Variants in EPHA4 observed in about 807,000 individuals in gnomAD.
EPHA4 encodes the protein EPH receptor A4.
In EPHA4, 19 loss-of-function variants were observed where a neutral mutation model predicts 108.3. The ratio of observed to expected loss-of-function variants is 0.18; its 90% CI spans 0.12 to 0.26. The LOEUF (loss-of-function observed/expected upper bound fraction) is 0.26. Among genes scored for constraint, EPHA4 ranks in the 10% least tolerant of loss-of-function variants. The pLI, the probability that EPHA4 is intolerant of heterozygous loss-of-function variation, is 1.00. For synonymous variants in EPHA4, 449 were observed against 455.5 expected, an observed-to-expected ratio of 0.99 and a Z score of 0.18; for missense variants, 917 against 1,254.0, an observed-to-expected ratio of 0.73 and a Z score of 4.06.
intron 11 of EPHA4, among the ~76,000 whole-genome samples, chr2:221,441,808 G>A (rs928422360): frequency 1.8e-4 from 28 of 152,070 alleles, no homozygotes; most frequent in Admixed American, 1.3e-3. Context: ...CAAGTCCCAC[G>A]AGGGGTCCAG....
chr2:221,523,510 C>A (rs1042076101), intron 3 of EPHA4, among the ~76,000 whole-genome samples: 1 of 152,082 alleles, frequency 6.6e-6, no homozygotes, highest in African/African-American at 2.4e-5. Context: ...TGGTCTTGAA[C>A]TCCCAACCTC....
Position 221,563,893 on chromosome 2 carries a change from C to A in EPHA4, c.661G>T (p.Ala221Ser), listed in dbSNP as rs1431649558. The A allele has an allele frequency of 1.2e-6, 2 of 1,614,104 alleles. No homozygotes were observed. Among genetic ancestry groups the A allele is most frequent in the Non-Finnish European group, 1.7e-6 (2 of 1,180,060 alleles). The change falls in exon 3 of 18, where the codon GCT becomes TCT. Residue 221 changes from alanine to serine, a missense_variant. Around this residue, in one of 3 missense-constraint regions of EPHA4, gnomAD observed 758 missense variants for 1,076.7 expected, o/e 0.70. Coordinates refer to ENST00000281821, the MANE Select transcript of EPHA4 (RefSeq NM_004438.5). The stretch of plus-strand genomic sequence containing the variant: ...ACTTCCACCAGGGAAGACGTATCAG[C>A]CCCTGTGATGGTGTCAGGAAACTGG... ...LAQFPDTITGADTSSLVEVRG... is the reference protein window; with the variant it reads ...LAQFPDTITGSDTSSLVEVRG...
At chr2:221,517,541 C>T (rs1693025306) in intron 3 of EPHA4, among the ~76,000 whole-genome samples, 1 of 152,108 alleles carries the variant, frequency 6.6e-6, no homozygotes, top group East Asian at 1.9e-4. Flanking sequence ...AGGGCATGGC[C>T]ACCTGGACCA....
At chr2:221,500,979 T>C (rs1692469048) in intron 4 of EPHA4, 38 bp downstream of exon 4, 2 of 1,515,022 alleles carry the variant, frequency 1.3e-6, no homozygotes, top group Non-Finnish European at 1.8e-6. Flanking sequence ...ATGAAAGCTG[T>C]TGGCATCACA....
intron 5 of EPHA4, among the ~76,000 whole-genome samples, chr2:221,478,424 C>T (rs1691723997): frequency 6.6e-6 from 1 of 152,200 alleles, no homozygotes; most frequent in Non-Finnish European, 1.5e-5. Context: ...GGACTACCTG[C>T]TTCTAAACAA....
intron 14 of EPHA4, 33 bp from the exon 15 acceptor site, chr2:221,430,184 G>A (rs1417119967): frequency 6.4e-7 from 1 of 1,559,278 alleles, no homozygotes. Flanking sequence ...ATGTTAAGCT[G>A]CCAGGCAAGC....
At position 221,439,364 on chromosome 2, in the gene EPHA4, T is replaced by C. The variant is rs544395292; in HGVS notation, c.2075-2242A>G. Among the ~76,000 whole-genome samples, 10 of 148,364 alleles carry C rather than the reference T, an allele frequency of 6.7e-5. No individual in the cohort carries two copies. The South Asian group carries it at 1.3e-3, about 19-fold the overall frequency. On this transcript the variant is annotated intron_variant, in intron 11 of 17. Transcript: ENST00000281821. ...AAAAAAAAATTGCCGGATGCAGTGG[T>C]GCACACCTGTAGTCCCAGCTACTCG...
chr2:221,519,778 A>G (rs1693103615), intron 3 of EPHA4, among the ~76,000 whole-genome samples: 1 of 152,216 alleles, frequency 6.6e-6, no homozygotes, highest in African/African-American at 2.4e-5. Flanking sequence ...TTTAGAAACA[A>G]AGAACATTAA....
intron 3 of EPHA4, among the ~76,000 whole-genome samples, chr2:221,522,630 C>T (rs149148074): frequency 4.6e-5 from 7 of 152,222 alleles, no homozygotes; most frequent in African/African-American, 1.7e-4. Context: ...ACTTCATTTA[C>T]TTATGCTTCA....
chr2:221,469,292 T>C lies in EPHA4; in HGVS notation c.1319-11302A>G, dbSNP rs1218898549. 2.6e-5 allele frequency among the ~76,000 whole-genome samples: 4 copies of C among 152,126 alleles called. No homozygotes were observed. The East Asian group carries it at 7.7e-4, about 29-fold the overall frequency. Reference sequence around the variant, plus strand: ...AGAGTATCATTTACAGCTTTTGTTATAAACAAGTGACTAGGTAATCAACCT... The same window carrying C: ...AGAGTATCATTTACAGCTTTTGTTACAAACAAGTGACTAGGTAATCAACCT... On this transcript the variant is annotated intron_variant, in intron 5 of 17. Coordinates refer to ENST00000281821, the MANE Select transcript of EPHA4 (RefSeq NM_004438.5).
intron 17 of EPHA4, among the ~76,000 whole-genome samples, chr2:221,424,415 G>A (rs760470021): frequency 3.4e-4 from 51 of 151,414 alleles, no homozygotes; most frequent in Admixed American, 1.1e-3. Context: ...TACAACCAAG[G>A]GGAAAGAAAG....
intron 14 of EPHA4, among the ~76,000 whole-genome samples, chr2:221,433,270 T>C (rs1278140176): frequency 6.6e-6 from 1 of 152,208 alleles, no homozygotes; most frequent in Non-Finnish European, 1.5e-5. Context: ...GAGAGAATTT[T>C]TGAAAAGAAG....
intron 3 of EPHA4, among the ~76,000 whole-genome samples, chr2:221,559,412 T>A (rs1694392052): frequency 1.3e-5 from 2 of 152,166 alleles, no homozygotes; most frequent in African/African-American, 2.4e-5. Flanking sequence ...AAAAATACAC[T>A]AATAACGAAT....
chr2:221,566,577 A>G (rs1433515245), intron 2 of EPHA4, among the ~76,000 whole-genome samples: 2 of 152,076 alleles, frequency 1.3e-5, no homozygotes, highest in East Asian at 3.9e-4. Flanking sequence ...AAATAAAATT[A>G]TTTATCTTAC....
At chr2:221,427,298 T>C (rs1188320692) in intron 15 of EPHA4, among the ~76,000 whole-genome samples, 1 of 152,224 alleles carries the variant, frequency 6.6e-6, no homozygotes, top group African/African-American at 2.4e-5. Context: ...CTGGGGTTCC[T>C]GAATAATGAT....
At chr2:221,433,103 C>G (rs955249133) in intron 14 of EPHA4, among the ~76,000 whole-genome samples, 2 of 152,058 alleles carry the variant, frequency 1.3e-5, no homozygotes, top group African/African-American at 4.8e-5. Context: ...GGATTACAGG[C>G]GTGAGCCACA....
At chr2:221,490,577 A>G (rs1692110231) in intron 4 of EPHA4, among the ~76,000 whole-genome samples, 1 of 152,198 alleles carries the variant, frequency 6.6e-6, no homozygotes, top group Non-Finnish European at 1.5e-5. Context: ...TCTTGGAGGA[A>G]GCAGCACCTT....
chr2:221,501,788 C>T (rs1016817981), intron 3 of EPHA4, among the ~76,000 whole-genome samples: 1 of 152,120 alleles, frequency 6.6e-6, no homozygotes, highest in Non-Finnish European at 1.5e-5. Context: ...GAAAGATCAA[C>T]AAAGGCAAGC....
intron 8 of EPHA4, among the ~76,000 whole-genome samples, chr2:221,448,337 G>C (rs1690662488): frequency 6.6e-6 from 1 of 152,186 alleles, no homozygotes; most frequent in African/African-American, 2.4e-5. Flanking sequence ...ACTTCATAGA[G>C]CCTCTCTTAC....
Sources: gnomAD v4.1 joint callset for allele counts (sites outside exome capture counted in the v4.1 genomes callset) on GRCh38, gnomAD v4.1.1 for gene constraint, gnomAD v4.1.1 regional missense constraint, MANE v1.5 for transcripts, NCBI Gene and HGNC (gene_info 2026-07-23, HGNC 2026-07-21) for gene names.